The following TDRD7 variants were observed in gnomAD, a reference collection of about 807,000 sequenced individuals.
TDRD7 encodes the protein tudor domain containing 7, also known as tudor domain-containing protein 7.
TDRD7 carries 47 observed loss-of-function variants against 109.8 expected under a neutral mutation model. The ratio of observed to expected loss-of-function variants is 0.43; its 90% CI spans 0.34 to 0.55. The LOEUF is 0.55. TDRD7 is among the 20% of genes least tolerant of loss of function. TDRD7 has a pLI of 0.03. For missense variants in TDRD7, 1,164 were observed against 1,319.2 expected (o/e 0.88, Z 1.82); for synonymous variants, 424 against 457.3 (o/e 0.93, Z 0.93).
chr9:97,448,409 C>G (rs1564201806), intron 6 of TDRD7, among the ~76,000 whole-genome samples: 1 of 152,216 alleles, frequency 6.6e-6, no homozygotes, highest in Admixed American at 6.5e-5. Flanking sequence ...TTCCCTATCT[C>G]TTTCTCAGTT....
In TDRD7 at chr9:97,482,875, G is replaced by GAGACC; in HGVS notation, c.2440_2441insGACCA (p.Ile814ArgfsTer39). On this transcript the variant is annotated frameshift_variant, in exon 15 of 17. Transcript: ENST00000355295. LOFTEE classifies it high-confidence loss of function. ...TTACAAAAGTGGATGAAACCAGAGG[G>GAGACC]ATCGCACATGTTTATTTATTTACCC... is the stretch of plus-strand genomic sequence containing the variant. 6.2e-7 allele frequency: 1 copy of GAGACC among 1,614,076 alleles called. No homozygotes were observed. Among genetic ancestry groups the GAGACC allele is most frequent in the Non-Finnish European group, 8.5e-7 (1 of 1,179,974 alleles).
At chr9:97,456,942 C>A (rs1828623840) in intron 6 of TDRD7, among the ~76,000 whole-genome samples, 1 of 152,022 alleles carries the variant, frequency 6.6e-6, no homozygotes, top group Non-Finnish European at 1.5e-5. Flanking sequence ...TAATAATTAT[C>A]TAAAATTTAC....
chr9:97,423,296 C>T (rs1827927878), intron 1 of TDRD7, among the ~76,000 whole-genome samples: 1 of 152,058 alleles, frequency 6.6e-6, no homozygotes, highest in African/African-American at 2.4e-5. Flanking sequence ...ATCTAAGCTA[C>T]AAACTTACTG....
chr9:97,461,786 C>T (rs986296310), intron 7 of TDRD7, among the ~76,000 whole-genome samples: 3 of 152,220 alleles, frequency 2.0e-5, no homozygotes, highest in African/African-American at 4.8e-5. Context: ...AGAATCTGGG[C>T]TCCTTCAACC....
Position 97,482,854 on chromosome 9 carries a change from A to C in TDRD7, c.2418A>C (p.Thr806=). Residue 806 remains threonine (T), a synonymous_variant, in exon 15 of 17, where the codon ACA becomes ACC. Coordinates refer to ENST00000355295, the MANE Select transcript of TDRD7 (RefSeq NM_014290.3). ...LNCSDCSIKV[T]KVDETRGIAH... is the part of the protein sequence containing the mutation. Reference sequence around the variant, plus strand: ...ATTTTTTGTGTTTTCCAAAGGTTACAAAAGTGGATGAAACCAGAGGGATCG... The same window carrying C: ...ATTTTTTGTGTTTTCCAAAGGTTACCAAAGTGGATGAAACCAGAGGGATCG... The C allele has an allele frequency of 6.2e-7, 1 of 1,614,086 alleles. No individual in the cohort carries two copies. The highest frequency in any genetic ancestry group is 1.3e-5 in the African/African-American group (1 of 75,068).
chr9:97,490,893 GCATTT>G, intron 16 of TDRD7, among the ~76,000 whole-genome samples: 1 of 144,820 alleles, frequency 6.9e-6, no homozygotes, highest in South Asian at 2.2e-4. Context: ...CTGACCTCTA[GCATTT>G]CTTTTCTTTT....
At chr9:97,475,047 C>T (rs757455986) in intron 11 of TDRD7, among the ~76,000 whole-genome samples, 1 of 152,104 alleles carries the variant, frequency 6.6e-6, no homozygotes, top group Admixed American at 6.6e-5. Flanking sequence ...CCTCACTGTT[C>T]TTCTTTTTGT....
intron 1 of TDRD7, among the ~76,000 whole-genome samples, chr9:97,424,833 C>T (rs1030987168): frequency 2.0e-5 from 3 of 151,818 alleles, no homozygotes; most frequent in African/African-American, 7.3e-5. Flanking sequence ...TGGATGTTTT[C>T]TATTTTCTCT....
In TDRD7 at chr9:97,441,679, A is replaced by C. The variant is rs1386319687; in HGVS notation, c.659A>C (p.Glu220Ala). 1 of 1,611,590 alleles carries C rather than the reference A, an allele frequency of 6.2e-7. No homozygotes were observed. The highest frequency in any genetic ancestry group is 1.1e-5 in the South Asian group (1 of 90,686). ...AAAGATAATTTAAATCAGACTGTTG[A>C]AAAACCCAATGTCAAGCCTCCTGCC... ...EMSDNLNQTV[E>A]KPNVKPPASY... The change falls in exon 6 of 17, where the codon GAA becomes GCA. Residue 220 changes from glutamate (E) to alanine (A), a missense_variant. Physicochemically the swap from Glu to Ala is moderately radical, Grantham distance 107. Around this residue, in one of 5 missense-constraint regions of TDRD7, gnomAD observed 407 missense variants for 394.0 expected, o/e 1.03. Transcript: ENST00000355295.
intron 1 of TDRD7, among the ~76,000 whole-genome samples, chr9:97,424,049 C>CTT (rs56369544): frequency 1.8e-3 from 89 of 48,840 alleles, no homozygotes; most frequent in Non-Finnish European, 2.5e-3. Flanking sequence ...CTTTTATATT[C>CTT]TTTTTTTTTT....
At chr9:97,443,517 G>C (rs567632484) in intron 6 of TDRD7, among the ~76,000 whole-genome samples, 1 of 152,214 alleles carries the variant, frequency 6.6e-6, no homozygotes, top group Non-Finnish European at 1.5e-5. Context: ...GTTTTTTCCA[G>C]TTTTTTTCAG....
intron 13 of TDRD7, among the ~76,000 whole-genome samples, chr9:97,479,066 T>G (rs967849481): frequency 6.6e-6 from 1 of 152,216 alleles, no homozygotes; most frequent in Non-Finnish European, 1.5e-5. Flanking sequence ...TTTTGAATAT[T>G]TTGAATTGTT....
chr9:97,428,679 A>T lies in TDRD7; in HGVS notation c.207+7A>T. 2 of 1,612,782 alleles carry T rather than the reference A, an allele frequency of 1.2e-6. No individual in the cohort carries two copies. The highest frequency in any genetic ancestry group is 1.7e-6 in the Non-Finnish European group (2 of 1,179,622). On this transcript the variant is annotated splice_region_variant and intron_variant, in intron 2 of 16. Coordinates refer to ENST00000355295, the MANE Select transcript of TDRD7 (RefSeq NM_014290.3). ...GACTAGTAGATCTGGAGAGGTAAGAAGGTAATTGTGCGTGTCAGAAGAATC... is the reference window on the plus strand; with the variant it reads ...GACTAGTAGATCTGGAGAGGTAAGATGGTAATTGTGCGTGTCAGAAGAATC...
Position 97,480,851 on chromosome 9 carries a change from T to C in TDRD7, c.2325T>C (p.Asp775=). 1 of 1,614,142 alleles carries C rather than the reference T, an allele frequency of 6.2e-7. No individual in the cohort carries two copies. The highest frequency in any genetic ancestry group is 2.2e-5 in the East Asian group (1 of 44,872). Residue 775 remains aspartate (D), a synonymous_variant, in exon 14 of 17, where the codon GAT becomes GAC. Coordinates refer to ENST00000355295, the MANE Select transcript of TDRD7 (RefSeq NM_014290.3). ...PPQAIKCCLA[D]LPQSIGMWTP... Reference sequence around the variant, plus strand: ...AGGCCATTAAGTGCTGTTTAGCAGATCTTCCACAATCTATTGGCATGTGGA... The same window carrying C: ...AGGCCATTAAGTGCTGTTTAGCAGACCTTCCACAATCTATTGGCATGTGGA...
chr9:97,470,803 G>A (rs1245846729), intron 9 of TDRD7, 134 bp downstream of exon 9: 2 of 681,154 alleles, frequency 2.9e-6, no homozygotes, highest in Non-Finnish European at 5.2e-6. Context: ...TTAAATTCAT[G>A]TCGAATGTAT....
In TDRD7 at chr9:97,478,742, CAAG is replaced by C. The variant is rs540483979; in HGVS notation, c.2301+174_2301+176del. On this transcript the variant is annotated intron_variant, in intron 13 of 16. Coordinates refer to ENST00000355295, the MANE Select transcript of TDRD7 (RefSeq NM_014290.3). ...AGAAGTAAAACATTGCTGACTTAGA[CAAG>C]AAGACCAGTCATATTTACATACTGT... 1.6e-3 allele frequency: 1,345 copies of C among 850,888 alleles called. 23 individuals are homozygous for C. The South Asian group carries it at 0.018, about 12-fold the overall frequency. The allele number at this position is 850,888 out of a possible 1,614,324, so 52.7% of individuals were successfully genotyped here.
rs752225106 is a variant in TDRD7, at chr9:97,460,737, T to C, written c.1415T>C (p.Leu472Pro). Residue 472 changes from leucine (L) to proline (P), a missense_variant, in exon 7 of 17, where the codon CTG becomes CCG. Leu to Pro is a moderately conservative substitution (Grantham distance 98). Coordinates refer to ENST00000355295, the MANE Select transcript of TDRD7 (RefSeq NM_014290.3). ...TCACCATCTGTATTGGTGGTTGAAC[T>C]GAGCAACACAAATGAAGTGGTTATC... ...EASPSVLVVE[L>P]SNTNEVVIRY... is the part of the protein sequence containing the mutation. 1 of 1,614,098 alleles carries C rather than the reference T, an allele frequency of 6.2e-7. No individual in the cohort carries two copies. The highest frequency in any genetic ancestry group is 8.5e-7 in the Non-Finnish European group (1 of 1,180,036).
chr9:97,463,493 G>A (rs1828766665), intron 7 of TDRD7, among the ~76,000 whole-genome samples: 1 of 151,226 alleles, frequency 6.6e-6, no homozygotes, highest in Admixed American at 6.6e-5. Context: ...ATTTCTTAGA[G>A]CTGTACAGGC....
intron 16 of TDRD7, among the ~76,000 whole-genome samples, chr9:97,494,677 AATATGTATATAT>A (rs901660062): frequency 4.1e-5 from 6 of 147,046 alleles, no homozygotes; most frequent in African/African-American, 1.5e-4. Flanking sequence ...TATTTCTTGA[AATATGTATATAT>A]ATATGTATAT....
Sources: gnomAD v4.1 joint callset for allele counts (sites outside exome capture counted in the v4.1 genomes callset) on GRCh38, gnomAD v4.1.1 for gene constraint, gnomAD v4.1.1 regional missense constraint, MANE v1.5 for transcripts, NCBI Gene and HGNC (gene_info 2026-07-23, HGNC 2026-07-21) for gene names.